Variants in CTNNA2 observed in about 807,000 individuals in gnomAD.
CTNNA2 encodes catenin alpha-2.
Under a neutral mutation model 101.0 loss-of-function variants are expected in CTNNA2, and 42 were observed. That is an observed-to-expected ratio of 0.42 (90% CI 0.32 to 0.54). CTNNA2 has a LOEUF of 0.54. Among genes scored for constraint, CTNNA2 ranks in the 20% least tolerant of loss-of-function variants. CTNNA2 has a pLI of 0.14. For missense variants in CTNNA2, 871 were observed against 1,223.1 expected (o/e 0.71, Z 4.29); for synonymous variants, 450 against 456.4 (o/e 0.99, Z 0.18).
intron 5 of CTNNA2, among the ~76,000 whole-genome samples, chr2:79,507,042 G>A (rs144063572): frequency 6.6e-6 from 1 of 152,226 alleles, no homozygotes; most frequent in East Asian, 1.9e-4. Context: ...GTAACCCTCT[G>A]AAATCTGGGT....
chr2:79,730,819 A>G (rs1349064610), intron 2 of CTNNA2, among the ~76,000 whole-genome samples: 5 of 152,004 alleles, frequency 3.3e-5, no homozygotes, highest in Non-Finnish European at 7.4e-5. Context: ...AATTCCTTTC[A>G]TGCTACAGAG....
chr2:79,320,597 T>C (rs1422535695), intron 3 of CTNNA2, among the ~76,000 whole-genome samples: 1 of 152,176 alleles, frequency 6.6e-6, no homozygotes, highest in Non-Finnish European at 1.5e-5. Context: ...TGCTGAACTC[T>C]TGCACTCAAA....
rs575357647 is a variant in CTNNA2 at position 79,872,107 on chromosome 2, C to G, written c.586-1969C>G. 5.9e-5 allele frequency among the ~76,000 whole-genome samples: 9 copies of G among 152,294 alleles called. No individual in the cohort carries two copies. In the South Asian group the frequency reaches 1.7e-3, roughly 28 times the overall value. On this transcript the variant is annotated intron_variant, in intron 5 of 18. Transcript: ENST00000402739. ...CTTCACATATTAATGCATTTAAAAT[C>G]ATACTATGCATACAAATATGCGTAT...
At chr2:79,436,856 C>T (rs1442710704) in intron 4 of CTNNA2, among the ~76,000 whole-genome samples, 1 of 152,050 alleles carries the variant, frequency 6.6e-6, no homozygotes, top group Non-Finnish European at 1.5e-5. Context: ...TGGTTTCAAT[C>T]TCCTGACCTT....
At chr2:80,536,767 G>A (rs1389392243) in intron 9 of CTNNA2, among the ~76,000 whole-genome samples, 3 of 152,196 alleles carry the variant, frequency 2.0e-5, no homozygotes, top group Non-Finnish European at 4.4e-5. Flanking sequence ...AAACAAGACT[G>A]TGGCTCTTTT....
intron 7 of CTNNA2, among the ~76,000 whole-genome samples, chr2:79,967,433 C>T (rs923063239): frequency 6.6e-6 from 1 of 152,156 alleles, no homozygotes; most frequent in African/African-American, 2.4e-5. Context: ...GTTTCACCTC[C>T]TCAACTAATG....
At chr2:80,103,023 C>T (rs1220967405) in intron 7 of CTNNA2, among the ~76,000 whole-genome samples, 1 of 152,164 alleles carries the variant, frequency 6.6e-6, no homozygotes, top group African/African-American at 2.4e-5. Flanking sequence ...AGAGCAGCTT[C>T]AGTAGCTCCT....
At chr2:79,652,542 G>T (rs1383426303) in intron 2 of CTNNA2, among the ~76,000 whole-genome samples, 1 of 151,940 alleles carries the variant, frequency 6.6e-6, no homozygotes, top group Non-Finnish European at 1.5e-5. Context: ...TTTTGTCCTT[G>T]CATCCCATCT....
At chr2:80,476,053 A>C (rs893818266) in intron 9 of CTNNA2, among the ~76,000 whole-genome samples, 2 of 152,116 alleles carry the variant, frequency 1.3e-5, no homozygotes, top group South Asian at 4.1e-4. Flanking sequence ...AGGATATGTC[A>C]ATTGTCACTT....
At chr2:79,900,756 C>T in intron 6 of CTNNA2, among the ~76,000 whole-genome samples, 1 of 151,858 alleles carries the variant, frequency 6.6e-6, no homozygotes, top group East Asian at 1.9e-4. Context: ...AATAGAAGAG[C>T]CAATAATAAT....
intron 2 of CTNNA2, among the ~76,000 whole-genome samples, chr2:79,704,748 C>T (rs1036783528): frequency 1.3e-5 from 2 of 151,886 alleles, no homozygotes; most frequent in African/African-American, 2.4e-5. Flanking sequence ...CTCCTGACCT[C>T]GTCATCCACC....
intron 8 of CTNNA2, among the ~76,000 whole-genome samples, chr2:80,417,761 T>C (rs1164258838): frequency 1.3e-5 from 2 of 152,120 alleles, no homozygotes; most frequent in African/African-American, 4.8e-5. Context: ...CTTTCTGGCA[T>C]GCTTTCAGTG....
At chr2:80,518,159 G>C (rs1226156238) in intron 9 of CTNNA2, among the ~76,000 whole-genome samples, 1 of 152,194 alleles carries the variant, frequency 6.6e-6, no homozygotes, top group Non-Finnish European at 1.5e-5. Context: ...GGATTATTGA[G>C]GTGATTCTTC....
chr2:80,623,802 C>T (rs1289526249), intron 18 of CTNNA2, among the ~76,000 whole-genome samples: 1 of 151,872 alleles, frequency 6.6e-6, no homozygotes, highest in Non-Finnish European at 1.5e-5. Flanking sequence ...TTTAGAATCC[C>T]TGCAAGGCAA....
intron 2 of CTNNA2, among the ~76,000 whole-genome samples, chr2:79,204,684 G>T (rs1674079017): frequency 1.3e-5 from 2 of 152,174 alleles, no homozygotes. Flanking sequence ...AGTTCTGGAG[G>T]CTGGGATGTC....
intron 7 of CTNNA2, among the ~76,000 whole-genome samples, chr2:80,143,980 T>C (rs1054964389): frequency 2.0e-5 from 3 of 152,312 alleles, no homozygotes; most frequent in Admixed American, 6.5e-5. Context: ...TTTCAAAGTT[T>C]TGGGGGCTAG....
intron 8 of CTNNA2, among the ~76,000 whole-genome samples, chr2:80,401,820 C>G (rs1678576672): frequency 6.6e-6 from 1 of 151,902 alleles, no homozygotes; most frequent in Admixed American, 6.6e-5. Context: ...AGTGTTTTGC[C>G]ACACACTCTC....
At chr2:80,248,230 G>A (rs1334429918) in intron 7 of CTNNA2, among the ~76,000 whole-genome samples, 1 of 152,078 alleles carries the variant, frequency 6.6e-6, no homozygotes, top group East Asian at 1.9e-4. Context: ...CCTTCAGTCG[G>A]TTAGCAAGCT....
chr2:80,614,494 C>T (rs1420152807), intron 17 of CTNNA2, among the ~76,000 whole-genome samples: 3 of 151,286 alleles, frequency 2.0e-5, no homozygotes, highest in Admixed American at 6.6e-5. Context: ...CTGGTATCTG[C>T]TAGGGTCCTA....
Sources: gnomAD v4.1 joint callset for allele counts (sites outside exome capture counted in the v4.1 genomes callset) on GRCh38, gnomAD v4.1.1 for gene constraint, MANE v1.5 for transcripts, NCBI Gene and HGNC (gene_info 2026-07-23, HGNC 2026-07-21) for gene names.